VRK1: variants seen among roughly 807,000 people sequenced by gnomAD.
VRK1 encodes the protein serine/threonine-protein kinase VRK1.
In VRK1, 33 loss-of-function variants were observed where a neutral mutation model predicts 57.1. That is an observed-to-expected ratio of 0.58 (90% CI 0.44 to 0.77). The LOEUF is 0.77. Among genes scored for constraint, VRK1 ranks in the 30% least tolerant of loss-of-function variants. VRK1 has a pLI of 0.00. For missense variants in VRK1, 413 were observed against 477.3 expected (o/e 0.87, Z 1.25); for synonymous variants, 137 against 147.8 (o/e 0.93, Z 0.53).
chr14:96,870,867 T>C (rs1373183609), intron 11 of VRK1, among the ~76,000 whole-genome samples: 1 of 152,170 alleles, frequency 6.6e-6, no homozygotes, highest in Non-Finnish European at 1.5e-5. Flanking sequence ...TGAAGGCAGC[T>C]TTCCCTAGTT....
intron 11 of VRK1, among the ~76,000 whole-genome samples, chr14:96,863,457 A>G (rs1019266320): frequency 2.0e-5 from 3 of 152,100 alleles, no homozygotes; most frequent in South Asian, 2.1e-4. Context: ...AGAACAGCTT[A>G]ATTTACTGGA....
chr14:96,850,888 A>G (rs1203945851), intron 5 of VRK1, among the ~76,000 whole-genome samples: 3 of 152,168 alleles, frequency 2.0e-5, no homozygotes. Context: ...TGGCACTAAA[A>G]ACACTTTCTA....
intron 1 of VRK1, among the ~76,000 whole-genome samples, chr14:96,797,837 C>G (rs923055911): frequency 6.6e-6 from 1 of 152,244 alleles, no homozygotes; most frequent in African/African-American, 2.4e-5. Flanking sequence ...GGCGAGGCCC[C>G]TGCCCCGCAG....
chr14:96,854,902 A>G (rs1050346780), intron 7 of VRK1, among the ~76,000 whole-genome samples: 6 of 152,208 alleles, frequency 3.9e-5, no homozygotes, highest in African/African-American at 1.2e-4. Flanking sequence ...CTGTAAGATA[A>G]AGTATAAAAT....
intron 11 of VRK1, among the ~76,000 whole-genome samples, chr14:96,871,961 A>G (rs796407906): frequency 1.3e-5 from 2 of 152,012 alleles, no homozygotes; most frequent in Non-Finnish European, 2.9e-5. Context: ...GTGTGCCACC[A>G]CACCTGGCTA....
intron 9 of VRK1, 135 bp from the exon 10 acceptor site, chr14:96,856,393 C>T (rs1888155036): frequency 7.3e-7 from 1 of 1,371,038 alleles, no homozygotes; most frequent in African/African-American, 1.5e-5. Context: ...GTTCCTTGGT[C>T]TTTTGTTTAT....
At chr14:96,877,568 ATGACAG>A (rs1420304597) in intron 12 of VRK1, 1 of 1,289,614 alleles carries the variant, frequency 7.8e-7, no homozygotes, top group Non-Finnish European at 1.0e-6. Flanking sequence ...AGCAGCAGCT[ATGACAG>A]TGAGTGGGAA....
intron 1 of VRK1, among the ~76,000 whole-genome samples, chr14:96,814,517 T>A (rs1164071182): frequency 6.6e-6 from 1 of 152,156 alleles, no homozygotes; most frequent in Non-Finnish European, 1.5e-5. Context: ...GAAAAATTAA[T>A]ACATGCACAC....
chr14:96,833,399 C>G, intron 1 of VRK1, 68 bp from the exon 2 acceptor site: 1 of 1,593,698 alleles, frequency 6.3e-7, no homozygotes, highest in East Asian at 2.3e-5. Flanking sequence ...GGAAGTTTTC[C>G]TTAGGGAAAA....
intron 1 of VRK1, among the ~76,000 whole-genome samples, chr14:96,824,797 G>A (rs1886738887): frequency 6.6e-6 from 1 of 151,772 alleles, no homozygotes; most frequent in Middle Eastern, 3.4e-3. Context: ...GGGACTACAG[G>A]CATCCACCAC....
At chr14:96,873,855 T>C (rs930769081) in intron 11 of VRK1, among the ~76,000 whole-genome samples, 4 of 152,312 alleles carry the variant, frequency 2.6e-5, no homozygotes, top group African/African-American at 7.2e-5. Context: ...CTACGTACAT[T>C]ATTAGAAAAG....
chr14:96,853,278 G>T, intron 7 of VRK1, 112 bp downstream of exon 7: 2 of 867,376 alleles, frequency 2.3e-6, no homozygotes, highest in Non-Finnish European at 3.7e-6. Flanking sequence ...AGTAGATATG[G>T]TAATAATATT....
intron 12 of VRK1, among the ~76,000 whole-genome samples, chr14:96,878,492 C>T (rs1889125865): frequency 1.3e-5 from 2 of 152,078 alleles, no homozygotes; most frequent in South Asian, 2.1e-4. Context: ...AGAGATTTTT[C>T]GCACTGTGTG....
chr14:96,830,643 AT>A (rs569098382), intron 1 of VRK1, among the ~76,000 whole-genome samples: 12 of 151,750 alleles, frequency 7.9e-5, no homozygotes, highest in African/African-American at 2.7e-4. Flanking sequence ...TTCTAAAGGG[AT>A]TTTTTTTCTC....
intron 2 of VRK1, among the ~76,000 whole-genome samples, chr14:96,837,458 G>A (rs920014202): frequency 2.6e-5 from 4 of 152,090 alleles, no homozygotes; most frequent in Admixed American, 6.6e-5. Context: ...ATATCCACTA[G>A]CATATCAAAG....
intron 1 of VRK1, among the ~76,000 whole-genome samples, chr14:96,807,402 A>T (rs1409395152): frequency 2.0e-5 from 3 of 152,314 alleles, no homozygotes; most frequent in East Asian, 3.9e-4. Flanking sequence ...TTCATTAGCT[A>T]TTCCTTACAT....
At chr14:96,856,868 T>A (rs1363968306) in intron 10 of VRK1, among the ~76,000 whole-genome samples, 1 of 152,140 alleles carries the variant, frequency 6.6e-6, no homozygotes, top group East Asian at 1.9e-4. Context: ...CTTGGAAGGC[T>A]GAGGCAGGAG....
chr14:96,836,116 A>G (rs976726169), intron 2 of VRK1, among the ~76,000 whole-genome samples: 50 of 152,126 alleles, frequency 3.3e-4, no homozygotes, highest in Non-Finnish European at 2.9e-5. Flanking sequence ...TTTGTATATG[A>G]TGCTTTAAAA....
chr14:96,802,030 G>T (rs1029688179), intron 1 of VRK1, among the ~76,000 whole-genome samples: 1 of 152,080 alleles, frequency 6.6e-6, no homozygotes, highest in Non-Finnish European at 1.5e-5. Flanking sequence ...CAGGAAAAAA[G>T]TTTTAAAATT....
Sources: allele counts gnomAD v4.1 joint callset (sites outside exome capture counted in the v4.1 genomes callset), GRCh38; gene constraint gnomAD v4.1.1; transcripts MANE v1.5; gene names NCBI Gene and HGNC (gene_info 2026-07-23, HGNC 2026-07-21).